Variants in KLRG1 observed in about 807,000 individuals in gnomAD.
The protein encoded by KLRG1 is killer cell lectin-like receptor subfamily G member 1.
A neutral mutation model predicts 21.8 loss-of-function variants in KLRG1; 16 were observed. That is an observed-to-expected ratio of 0.73 (90% CI 0.50 to 1.11). The LOEUF (loss-of-function observed/expected upper bound fraction) is 1.11, where lower values mean the gene tolerates loss of function less well. Ranked by LOEUF, KLRG1 falls within the 50% of genes most tolerant of loss-of-function variation. The pLI is 0.00. For synonymous variants in KLRG1, 69 were observed against 75.9 expected, an observed-to-expected ratio of 0.91 and a Z score of 0.47; for missense variants, 173 against 218.3, an observed-to-expected ratio of 0.79 and a Z score of 1.31.
the KLRG1 span, among the ~76,000 whole-genome samples, chr12:9,049,789 A>G: frequency 6.6e-6 from 1 of 152,226 alleles, no homozygotes; most frequent in South Asian, 2.1e-4. Flanking sequence ...TAAGCCATCC[A>G]AACAGGAACA....
At chr12:9,129,837 C>A in the KLRG1 span, among the ~76,000 whole-genome samples, 86 of 152,276 alleles carry the variant, frequency 5.6e-4, 1 homozygote, top group East Asian at 0.014. Flanking sequence ...CGTGAGCCAC[C>A]GCGCCTGGTG....
chr12:9,101,806 G>T, the KLRG1 span: 8 of 734,664 alleles, frequency 1.1e-5, no homozygotes, highest in Non-Finnish European at 1.7e-5. Flanking sequence ...ATGAAAAGTG[G>T]GAGAAGGACC....
intron 1 of KLRG1, among the ~76,000 whole-genome samples, chr12:8,971,526 C>T (rs745579707): frequency 1.3e-5 from 2 of 152,028 alleles, no homozygotes; most frequent in Admixed American, 1.3e-4. Flanking sequence ...TGCTCTGTTG[C>T]CCAGGCTGGA....
At chr12:9,018,546 A>T in the KLRG1 span, among the ~76,000 whole-genome samples, 1 of 152,092 alleles carries the variant, frequency 6.6e-6, no homozygotes, top group South Asian at 2.1e-4. Flanking sequence ...TTCTTCAATA[A>T]ATAGTGCTGA....
the KLRG1 span, among the ~76,000 whole-genome samples, chr12:9,062,530 CTGATA>C: frequency 6.9e-6 from 1 of 145,848 alleles, no homozygotes; most frequent in East Asian, 2.0e-4. Context: ...GATAATATAT[CTGATA>C]TGTTTATATC....
the KLRG1 span, among the ~76,000 whole-genome samples, chr12:9,044,640 C>T: frequency 6.6e-6 from 1 of 151,834 alleles, no homozygotes; most frequent in African/African-American, 2.4e-5. Flanking sequence ...GCACTCCAGC[C>T]TGGGCAACAG....
At chr12:9,109,141 C>T in the KLRG1 span, among the ~76,000 whole-genome samples, 1 of 151,912 alleles carries the variant, frequency 6.6e-6, no homozygotes, top group South Asian at 2.1e-4. Flanking sequence ...CTGATAAGAA[C>T]GTGAAAGAAA....
the KLRG1 span, chr12:9,069,713 T>G: frequency 6.4e-7 from 1 of 1,573,734 alleles, no homozygotes; most frequent in Admixed American, 1.7e-5. Flanking sequence ...ATTATCTACG[T>G]TTTTTTGCAA....
intron 3 of KLRG1, among the ~76,000 whole-genome samples, chr12:9,000,420 G>A (rs1421507621): frequency 1.3e-5 from 2 of 152,170 alleles, no homozygotes; most frequent in Non-Finnish European, 2.9e-5. Flanking sequence ...AATATGCATA[G>A]CATAAAATGT....
the KLRG1 span, among the ~76,000 whole-genome samples, chr12:9,197,475 A>G: frequency 7.7e-6 from 1 of 130,586 alleles, no homozygotes; most frequent in African/African-American, 3.0e-5. Context: ...TATAATATAT[A>G]ATAATATAAT....
chr12:9,035,489 C>T, the KLRG1 span, among the ~76,000 whole-genome samples: 1 of 151,580 alleles, frequency 6.6e-6, no homozygotes, highest in African/African-American at 2.4e-5. Context: ...AGGAGAAATA[C>T]CTAATGCAGG....
chr12:9,057,075 A>C, the KLRG1 span, among the ~76,000 whole-genome samples: 1 of 152,176 alleles, frequency 6.6e-6, no homozygotes, highest in Non-Finnish European at 1.5e-5. Context: ...ATCAATATAC[A>C]TGTATATTAC....
the KLRG1 span, among the ~76,000 whole-genome samples, chr12:9,172,016 C>T: frequency 6.6e-6 from 1 of 152,084 alleles, no homozygotes; most frequent in Admixed American, 6.6e-5. Flanking sequence ...TCCACAAGAA[C>T]ATCAACCCAA....
At chr12:9,198,159 G>A in the KLRG1 span, among the ~76,000 whole-genome samples, 186 of 151,020 alleles carry the variant, frequency 1.2e-3, 4 homozygotes, top group South Asian at 0.02. Flanking sequence ...AACTAGCATG[G>A]GTAACATAGC....
the KLRG1 span, among the ~76,000 whole-genome samples, chr12:9,059,827 A>T: frequency 2.6e-5 from 4 of 151,390 alleles, no homozygotes. Flanking sequence ...CCACAGGTGC[A>T]TGCCACTATG....
At chr12:9,167,157 T>C in the KLRG1 span, 1 of 152,246 alleles carries the variant, frequency 6.6e-6, no homozygotes, top group South Asian at 2.1e-4. Context: ...TTCACTCTTA[T>C]CTTAAATATT....
chr12:8,971,309 A>G (rs1385921938), intron 1 of KLRG1: 2 of 151,888 alleles, frequency 1.3e-5, no homozygotes, highest in African/African-American at 4.8e-5. Flanking sequence ...CAGTTTGTTA[A>G]ATTCTGTTTT....
chr12:9,060,338 T>C, the KLRG1 span, among the ~76,000 whole-genome samples: 1 of 152,232 alleles, frequency 6.6e-6, no homozygotes, highest in Non-Finnish European at 1.5e-5. Flanking sequence ...CTGGCATCTT[T>C]AAGTAGCTTT....
In KLRG1 at chr12:8,960,212, A is replaced by G. The variant is rs556012235; in HGVS notation, c.-156+9976A>G. Among the ~76,000 whole-genome samples, 53 of 152,276 alleles carry G rather than the reference A, an allele frequency of 3.5e-4. 1 individual carries two copies. The South Asian group carries it at 0.011, about 30-fold the overall frequency. ...CCAAGGTGCAGTGCAGGAAGGGGGAACCCAGACAGAGCCTGCCAGTTTCAC... is the reference window on the plus strand; with the variant it reads ...CCAAGGTGCAGTGCAGGAAGGGGGAGCCCAGACAGAGCCTGCCAGTTTCAC... On this transcript the variant is annotated intron_variant, in intron 1 of 4. Transcript: ENST00000539240.
Sources: gnomAD v4.1 joint callset for allele counts (sites outside exome capture counted in the v4.1 genomes callset) on GRCh38, gnomAD v4.1.1 for gene constraint, MANE v1.5 for transcripts, NCBI Gene and HGNC (gene_info 2026-07-23, HGNC 2026-07-21) for gene names.